The following DST variants were observed in gnomAD, a reference collection of about 807,000 sequenced individuals.
The protein encoded by DST is bullous pemphigoid antigen.
A neutral mutation model predicts 875.2 loss-of-function variants in DST; 253 were observed. The observed-to-expected ratio is 0.29, with a 90% CI of 0.26 to 0.32. The LOEUF is 0.32. Ranked by LOEUF, DST falls within the 10% of genes least tolerant of loss-of-function variation. The pLI is 1.00. For missense variants in DST, 8,287 were observed against 9,111.6 expected, an observed-to-expected ratio of 0.91 and a Z score of 3.68; for synonymous variants, 3,124 against 3,197.1, an observed-to-expected ratio of 0.98 and a Z score of 0.77.
Position 56,851,518 on chromosome 6 carries a change from G to T in DST, c.504C>A (p.Ser168=), listed in dbSNP as rs1174227329. 1.2e-6 allele frequency: 2 copies of T among 1,614,016 alleles called. No homozygotes were observed. Among genetic ancestry groups the T allele is most frequent in the East Asian group, 4.5e-5 (2 of 44,886 alleles). Reference sequence around the variant, plus strand: ...AGGTGTCTCCCGGAGCTGGGGATGCGGAGCCAGATTTCTGGCTGAAATCAT... The same window carrying T: ...AGGTGTCTCCCGGAGCTGGGGATGCTGAGCCAGATTTCTGGCTGAAATCAT... ...DEDDFSQKSG[S]ASPAPGDTLP... is the part of the protein sequence containing the mutation. Residue 168 remains serine, a synonymous_variant, in exon 4 of 104, where the codon TCC becomes TCA. Coordinates refer to ENST00000680361, the MANE Select transcript of DST (RefSeq NM_001374736.1).
chr6:56,470,942 C>A (rs1582280647), intron 95 of DST, among the ~76,000 whole-genome samples, 164 bp downstream of exon 95: 1 of 151,998 alleles, frequency 6.6e-6, no homozygotes, highest in Non-Finnish European at 1.5e-5. Flanking sequence ...GACTCCAGAG[C>A]CACAAATTTT....
Position 56,485,385 on chromosome 6 carries a change from T to A in DST, c.21134A>T (p.Glu7045Val). Residue 7045 changes from glutamate (E) to valine (V), a missense_variant, in exon 88 of 104, where the codon GAA becomes GTA. Glu to Val is a moderately radical substitution (Grantham distance 121, BLOSUM62 -2). Coordinates refer to ENST00000680361, the MANE Select transcript of DST (RefSeq NM_001374736.1). ...AGGCTGGTCTTCTGCCAGCTGGGGT[T>A]CAACTCTATATAACCAATCAATGAG... is the stretch of plus-strand genomic sequence containing the variant. The part of the protein sequence containing the change: ...QALIDWLYRV[E>V]PQLAEDQPVH... 1 of 1,613,948 alleles carries A rather than the reference T, an allele frequency of 6.2e-7. No homozygotes were observed. The highest frequency in any genetic ancestry group is 8.5e-7 in the Non-Finnish European group (1 of 1,179,846).
chr6:56,833,218 C>T (rs933084737), intron 4 of DST, among the ~76,000 whole-genome samples: 1 of 152,076 alleles, frequency 6.6e-6, no homozygotes, highest in African/African-American at 2.4e-5. Flanking sequence ...AGAAAAAAAG[C>T]AAATAATCTT....
At position 56,851,558 on chromosome 6, in the gene DST, T is replaced by C; in HGVS notation, c.464A>G (p.Asp155Gly). 2.5e-6 allele frequency: 4 copies of C among 1,613,798 alleles called. No individual in the cohort carries two copies. In the South Asian group the frequency reaches 4.4e-5, roughly 18 times the overall value. Residue 155 changes from aspartate (D) to glycine (G), a missense_variant, in exon 4 of 104, where the codon GAT becomes GGT. Asp to Gly is a moderately conservative substitution (Grantham distance 94, BLOSUM62 -1). Transcript: ENST00000680361. ...SYRCSMSSSA[D>G]FSDEDDFSQK... The stretch of plus-strand genomic sequence containing the variant: ...GCTGAAATCATCCTCATCGGAAAAA[T>C]CCGCAGAGGAAGACATAGAGCAGCG...
chr6:56,611,479 A>C, intron 38 of DST, 29 bp downstream of exon 38: 1 of 1,521,732 alleles, frequency 6.6e-7, no homozygotes, highest in Non-Finnish European at 9.1e-7. Context: ...CCCCACTTAA[A>C]ATAAAAGAGC....
chr6:56,578,509 C>G (rs1486171781), intron 50 of DST, among the ~76,000 whole-genome samples: 1 of 152,166 alleles, frequency 6.6e-6, no homozygotes, highest in African/African-American at 2.4e-5. Flanking sequence ...TCCCATCAAC[C>G]AAGAGAATTT....
At position 56,640,096 on chromosome 6, in the gene DST, A is replaced by C. The variant is rs370049163; in HGVS notation, c.2491-39T>G. ...AATACTAAGTTTAAAAAAGAAATTGATAACAATAAAGACTGAAACACTCAG... is the reference window on the plus strand; with the variant it reads ...AATACTAAGTTTAAAAAAGAAATTGCTAACAATAAAGACTGAAACACTCAG... On this transcript the variant is annotated intron_variant, in intron 18 of 103. Coordinates refer to ENST00000680361, the MANE Select transcript of DST (RefSeq NM_001374736.1). The C allele has an allele frequency of 3.7e-6, 6 of 1,613,684 alleles. No homozygotes were observed. The African/African-American group carries it at 8.0e-5, about 22-fold the overall frequency.
intron 33 of DST, among the ~76,000 whole-genome samples, chr6:56,627,695 T>C (rs1217188166): frequency 6.6e-6 from 1 of 152,182 alleles, no homozygotes; most frequent in Non-Finnish European, 1.5e-5. Context: ...TAGAAAACTA[T>C]TGAGGCCAGC....
chr6:56,682,353 C>T (rs941732153), intron 9 of DST, among the ~76,000 whole-genome samples: 1 of 152,078 alleles, frequency 6.6e-6, no homozygotes. Flanking sequence ...TACCTTTTCA[C>T]TTCACATAAG....
intron 4 of DST, among the ~76,000 whole-genome samples, chr6:56,745,202 A>G (rs1010516722): frequency 1.3e-5 from 2 of 152,218 alleles, no homozygotes; most frequent in Non-Finnish European, 2.9e-5. Context: ...AAAGTATACA[A>G]ATGCTGTTAT....
At chr6:56,470,558 C>T (rs2152395444) in intron 95 of DST, among the ~76,000 whole-genome samples, 1 of 151,626 alleles carries the variant, frequency 6.6e-6, no homozygotes, top group African/African-American at 2.4e-5. Flanking sequence ...AATTGCTAGT[C>T]AAAGAATAAA....
chr6:56,746,139 AC>A (rs2099571700), intron 4 of DST, among the ~76,000 whole-genome samples: 1 of 151,582 alleles, frequency 6.6e-6, no homozygotes, highest in Non-Finnish European at 1.5e-5. Context: ...ACACCCCACC[AC>A]CCCCAGCTAA....
chr6:56,753,521 A>C (rs2099594052), intron 4 of DST, among the ~76,000 whole-genome samples: 1 of 152,222 alleles, frequency 6.6e-6, no homozygotes, highest in African/African-American at 2.4e-5. Context: ...CTTGCATAGA[A>C]GCTAAAAAGA....
rs138927004 is a variant in DST, at chr6:56,744,025, T to A, written c.626-8736A>T. The stretch of plus-strand genomic sequence containing the variant: ...TTAGCAGGGCATGGTGACAGGCACC[T>A]GTAATCCCAGCTACTCAGGAGACTG... On this transcript the variant is annotated intron_variant, in intron 4 of 103. Coordinates refer to ENST00000680361, the MANE Select transcript of DST (RefSeq NM_001374736.1). Among the ~76,000 whole-genome samples, 790 of 151,938 alleles carry A rather than the reference T, an allele frequency of 5.2e-3. 3 individuals carry two copies. The highest frequency in any genetic ancestry group is 8.8e-3 in the Non-Finnish European group (597 of 67,964).
At chr6:56,638,089 C>G (rs1269852721) in intron 22 of DST, among the ~76,000 whole-genome samples, 1 of 150,364 alleles carries the variant, frequency 6.7e-6, no homozygotes, top group Non-Finnish European at 1.5e-5. Flanking sequence ...TTTCATTTTA[C>G]TTCTTAAGAA....
At chr6:56,790,267 G>T (rs1322259056) in intron 4 of DST, among the ~76,000 whole-genome samples, 1 of 152,138 alleles carries the variant, frequency 6.6e-6, no homozygotes. Context: ...ATGATAGATA[G>T]TAAGTTTTAT....
At chr6:56,843,215 G>A (rs565833440) in intron 4 of DST, 1 of 1,412,750 alleles carries the variant, frequency 7.1e-7, no homozygotes, top group Non-Finnish European at 9.4e-7. Flanking sequence ...CAGTATCGCA[G>A]TCAGCAAGAC....
chr6:56,653,320 G>T (rs1211264561), intron 10 of DST, among the ~76,000 whole-genome samples: 1 of 152,106 alleles, frequency 6.6e-6, no homozygotes, highest in East Asian at 1.9e-4. Context: ...AACTGAAATG[G>T]TTTTCCTCCA....
chr6:56,905,394 T>C (rs780805250), intron 2 of DST, among the ~76,000 whole-genome samples: 9 of 152,186 alleles, frequency 5.9e-5, no homozygotes, highest in African/African-American at 1.9e-4. Context: ...TTATACCCAT[T>C]GAATAGCAAC....
Sources: gnomAD v4.1 joint callset for allele counts (sites outside exome capture counted in the v4.1 genomes callset) on GRCh38, gnomAD v4.1.1 for gene constraint, MANE v1.5 for transcripts, NCBI Gene and HGNC (gene_info 2026-07-23, HGNC 2026-07-21) for gene names.